The following GRID1 variants were observed in gnomAD, a reference collection of about 807,000 sequenced individuals.
GRID1 encodes the protein glutamate ionotropic receptor delta type subunit 1, also known as glutamate receptor ionotropic, delta-1.
In GRID1, 28 loss-of-function variants were observed where a neutral mutation model predicts 98.0. The observed-to-expected ratio is 0.29, with a 90% CI of 0.21 to 0.39. The LOEUF (loss-of-function observed/expected upper bound fraction) is 0.39, where lower values mean the gene tolerates loss of function less well. GRID1 is among the 10% of genes least tolerant of loss of function. The probability of loss-of-function intolerance (pLI) is 1.00; values close to 1 mark genes in which losing one functional copy is unlikely to be tolerated. For missense variants in GRID1, 1,111 were observed against 1,340.5 expected (o/e 0.83, Z 2.67); for synonymous variants, 553 against 538.5 (o/e 1.03, Z -0.37).
chr10:85,692,645 C>T (rs1326655710), intron 12 of GRID1, among the ~76,000 whole-genome samples: 23 of 133,730 alleles, frequency 1.7e-4, no homozygotes, highest in Non-Finnish European at 7.7e-5. Context: ...CCAGCCTGTG[C>T]GACAGAGTGA....
At chr10:85,930,985 G>A (rs1841844109) in intron 4 of GRID1, among the ~76,000 whole-genome samples, 1 of 152,076 alleles carries the variant, frequency 6.6e-6, no homozygotes, top group Admixed American at 6.6e-5. Context: ...GATTACAGGT[G>A]TATAACACTA....
At chr10:85,683,877 G>C (rs1841238442) in intron 12 of GRID1, among the ~76,000 whole-genome samples, 1 of 152,094 alleles carries the variant, frequency 6.6e-6, no homozygotes, top group Non-Finnish European at 1.5e-5. Flanking sequence ...GATAAAGAGT[G>C]TCTAACTGCT....
At chr10:85,709,458 C>T (rs1034761407) in intron 12 of GRID1, among the ~76,000 whole-genome samples, 4 of 152,156 alleles carry the variant, frequency 2.6e-5, no homozygotes, top group African/African-American at 9.7e-5. Flanking sequence ...ACTAGTGGAA[C>T]ATACAACATA....
intron 4 of GRID1, among the ~76,000 whole-genome samples, chr10:85,958,678 C>T (rs1842225431): frequency 6.6e-6 from 1 of 152,108 alleles, no homozygotes; most frequent in South Asian, 2.1e-4. Context: ...AGCTGAGGGT[C>T]CAGGCGTGGT....
chr10:85,907,990 A>AT (rs1008943611), intron 5 of GRID1, among the ~76,000 whole-genome samples: 2 of 152,220 alleles, frequency 1.3e-5, no homozygotes, highest in African/African-American at 4.8e-5. Context: ...TCATTTCCTG[A>AT]TAAAAACTCA....
chr10:86,311,059 G>A (rs988293438), intron 2 of GRID1, among the ~76,000 whole-genome samples: 13 of 152,114 alleles, frequency 8.5e-5, no homozygotes, highest in Non-Finnish European at 1.0e-4. Context: ...AAGGAGAAAG[G>A]AGAGAGGGAG....
intron 8 of GRID1, among the ~76,000 whole-genome samples, chr10:85,747,276 A>T (rs774206404): frequency 5.3e-5 from 8 of 152,078 alleles, no homozygotes; most frequent in Non-Finnish European, 1.2e-4. Flanking sequence ...TATTTAATGG[A>T]GGAAGAAATA....
chr10:85,740,830 C>G (rs960706665), intron 8 of GRID1, among the ~76,000 whole-genome samples: 1 of 151,916 alleles, frequency 6.6e-6, no homozygotes, highest in African/African-American at 2.4e-5. Context: ...TAGCTCACTG[C>G]AAACTTTGCC....
intron 13 of GRID1, among the ~76,000 whole-genome samples, chr10:85,640,763 C>T (rs575637171): frequency 3.3e-5 from 5 of 152,294 alleles, no homozygotes; most frequent in African/African-American, 1.2e-4. Flanking sequence ...GAAGAGAAAG[C>T]GAATAAATGT....
intron 8 of GRID1, among the ~76,000 whole-genome samples, chr10:85,778,127 G>T: frequency 6.6e-6 from 1 of 152,186 alleles, no homozygotes. Context: ...ACATGGACGA[G>T]AAAAGGGGTT....
At chr10:85,826,878 C>T (rs1842825091) in intron 8 of GRID1, among the ~76,000 whole-genome samples, 1 of 152,092 alleles carries the variant, frequency 6.6e-6, no homozygotes. Flanking sequence ...GGGCTTGATC[C>T]CCTAAAATCT....
At chr10:85,637,689 C>T (rs1194123708) in intron 13 of GRID1, among the ~76,000 whole-genome samples, 1 of 152,168 alleles carries the variant, frequency 6.6e-6, no homozygotes, top group Non-Finnish European at 1.5e-5. Context: ...CCTTTTATTT[C>T]TTGCTTGCCA....
At chr10:85,737,645 GAT>G (rs66947723) in intron 8 of GRID1, among the ~76,000 whole-genome samples, 4,315 of 95,554 alleles carry the variant, frequency 0.045, 217 homozygotes, top group East Asian at 0.15. Context: ...AGTAAAGCCA[GAT>G]ATATATATAT....
chr10:86,107,949 C>A (rs549102122), intron 4 of GRID1, among the ~76,000 whole-genome samples: 1 of 152,200 alleles, frequency 6.6e-6, no homozygotes, highest in Non-Finnish European at 1.5e-5. Flanking sequence ...TCCAAGCCCA[C>A]GTGTGATCCA....
chr10:86,138,804 G>A lies in GRID1; in HGVS notation c.726+15C>T. The A allele has an allele frequency of 6.2e-7, 1 of 1,609,218 alleles. No individual in the cohort carries two copies. Among genetic ancestry groups the A allele is most frequent in the Non-Finnish European group, 8.5e-7 (1 of 1,175,918 alleles). ...GGGCACCAGGCCCCTGAGGCCTCAG[G>A]CCCCCATGACCTACCTCGTTGATGA... On this transcript the variant is annotated intron_variant, in intron 4 of 15. Transcript: ENST00000327946.
rs147164891 is a variant in GRID1, at chr10:85,672,372, A to C, written c.1998-24975T>G. 1.6e-3 allele frequency among the ~76,000 whole-genome samples: 250 copies of C among 152,230 alleles called. 3 individuals carry two copies. Among genetic ancestry groups the C allele is most frequent in the East Asian group, 0.016 (82 of 5,180 alleles). Reference sequence around the variant, plus strand: ...GGCCAGGCCGGAGTGCAGTGGTGCAATCTTGGCTCACTGCAACCTCCACCT... The same window carrying C: ...GGCCAGGCCGGAGTGCAGTGGTGCACTCTTGGCTCACTGCAACCTCCACCT... On this transcript the variant is annotated intron_variant, in intron 12 of 15. Transcript: ENST00000327946.
chr10:86,121,059 C>T (rs1454305499), intron 4 of GRID1, among the ~76,000 whole-genome samples: 1 of 152,160 alleles, frequency 6.6e-6, no homozygotes, highest in Non-Finnish European at 1.5e-5. Context: ...CTTATGCCCT[C>T]CATTTCCCTC....
At chr10:86,213,677 C>T (rs1170001292) in intron 2 of GRID1, among the ~76,000 whole-genome samples, 1 of 152,096 alleles carries the variant, frequency 6.6e-6, no homozygotes, top group Admixed American at 6.5e-5. Flanking sequence ...AACACTAAGC[C>T]CGGCCCTATT....
chr10:86,025,127 A>G (rs769703987), intron 4 of GRID1, among the ~76,000 whole-genome samples: 31 of 152,204 alleles, frequency 2.0e-4, no homozygotes, highest in Admixed American at 1.2e-3. Flanking sequence ...AGCAGCCCTG[A>G]TGGAGAAGTC....
Sources: gnomAD v4.1 joint callset for allele counts (sites outside exome capture counted in the v4.1 genomes callset) on GRCh38, gnomAD v4.1.1 for gene constraint, MANE v1.5 for transcripts, NCBI Gene and HGNC (gene_info 2026-07-23, HGNC 2026-07-21) for gene names.